AGBL4: variants seen among roughly 807,000 people sequenced by gnomAD.
The protein encoded by AGBL4 is AGBL carboxypeptidase 4, also known as cytosolic carboxypeptidase 6.
Under a neutral mutation model 66.4 loss-of-function variants are expected in AGBL4, and 58 were observed. The observed-to-expected ratio is 0.87, with a 90% CI of 0.71 to 1.09. The LOEUF (loss-of-function observed/expected upper bound fraction) is 1.09. AGBL4 is among the 50% of genes least tolerant of loss of function. The pLI is 0.00. For missense variants in AGBL4, 579 were observed against 631.0 expected, an observed-to-expected ratio of 0.92 and a Z score of 0.88; for synonymous variants, 234 against 222.9, an observed-to-expected ratio of 1.05 and a Z score of -0.44.
At chr1:49,701,059 A>G (rs1001265925) in intron 2 of AGBL4, among the ~76,000 whole-genome samples, 2 of 152,178 alleles carry the variant, frequency 1.3e-5, no homozygotes, top group Non-Finnish European at 2.9e-5. Context: ...CATATTATTA[A>G]TATCAAAATA....
intron 3 of AGBL4, among the ~76,000 whole-genome samples, chr1:49,405,997 C>T (rs757767445): frequency 2.6e-4 from 39 of 152,148 alleles, no homozygotes; most frequent in Non-Finnish European, 4.9e-4. Context: ...GTATAATTAG[C>T]CCTTACAACA....
intron 9 of AGBL4, among the ~76,000 whole-genome samples, chr1:48,629,096 T>G (rs1180729770): frequency 6.6e-6 from 1 of 152,146 alleles, no homozygotes; most frequent in Non-Finnish European, 1.5e-5. Context: ...TACTTTGTTA[T>G]TTAGCTTCAT....
At chr1:49,761,715 CCT>C (rs1652331923) in intron 2 of AGBL4, among the ~76,000 whole-genome samples, 1 of 152,126 alleles carries the variant, frequency 6.6e-6, no homozygotes, top group African/African-American at 2.4e-5. Context: ...ATTCAAAAAA[CCT>C]CTCTTATAGC....
At chr1:49,870,669 G>C (rs1289522909) in intron 1 of AGBL4, among the ~76,000 whole-genome samples, 1 of 151,556 alleles carries the variant, frequency 6.6e-6, no homozygotes, top group Non-Finnish European at 1.5e-5. Flanking sequence ...TCAAAAAAAG[G>C]CAAAAGATTT....
At chr1:48,697,361 G>A (rs374303166) in intron 6 of AGBL4, among the ~76,000 whole-genome samples, 1 of 152,052 alleles carries the variant, frequency 6.6e-6, no homozygotes, top group Admixed American at 6.5e-5. Context: ...GGGAAAGGAA[G>A]GGATGTTTAT....
intron 4 of AGBL4, among the ~76,000 whole-genome samples, chr1:49,125,393 C>G (rs1645745336): frequency 6.6e-6 from 1 of 152,024 alleles, no homozygotes; most frequent in South Asian, 2.1e-4. Context: ...GTTGTATGGC[C>G]AGCAAATGGT....
intron 6 of AGBL4, 127 bp downstream of exon 6, chr1:48,867,064 G>T: frequency 9.5e-7 from 1 of 1,052,316 alleles, no homozygotes; most frequent in South Asian, 1.4e-5. Flanking sequence ...AATCATTCAT[G>T]GTGCAAGAGT....
intron 3 of AGBL4, among the ~76,000 whole-genome samples, chr1:49,646,244 A>G (rs1434348959): frequency 1.3e-5 from 2 of 151,960 alleles, no homozygotes; most frequent in African/African-American, 4.8e-5. Context: ...TTAAAAAGTT[A>G]AAGTGCCTCT....
chr1:49,739,316 T>A (rs1328470837), intron 2 of AGBL4, among the ~76,000 whole-genome samples: 1 of 151,956 alleles, frequency 6.6e-6, no homozygotes, highest in Non-Finnish European at 1.5e-5. Flanking sequence ...TGATGGAAGA[T>A]CAAATGAATG....
chr1:48,627,785 T>C (rs1216545929), intron 9 of AGBL4, among the ~76,000 whole-genome samples: 1 of 152,070 alleles, frequency 6.6e-6, no homozygotes, highest in African/African-American at 2.4e-5. Flanking sequence ...CCTCGGAGTG[T>C]ACAAACCTCT....
intron 3 of AGBL4, among the ~76,000 whole-genome samples, chr1:49,410,477 C>T (rs924051724): frequency 1.3e-5 from 2 of 152,094 alleles, no homozygotes; most frequent in African/African-American, 4.8e-5. Context: ...ATTTTAACAG[C>T]TCTATGAGAT....
chr1:49,868,998 A>G (rs1017121591), intron 1 of AGBL4, among the ~76,000 whole-genome samples: 1 of 152,212 alleles, frequency 6.6e-6, no homozygotes, highest in African/African-American at 2.4e-5. Context: ...ATGTGGAAAA[A>G]AAGCTCATCA....
intron 4 of AGBL4, among the ~76,000 whole-genome samples, chr1:49,197,662 G>A (rs1570030797): frequency 6.6e-6 from 1 of 152,194 alleles, no homozygotes; most frequent in East Asian, 1.9e-4. Flanking sequence ...CTGACCAAGG[G>A]AGCTTTTCGG....
At chr1:49,617,155 T>C in intron 3 of AGBL4, among the ~76,000 whole-genome samples, 1 of 152,150 alleles carries the variant, frequency 6.6e-6, no homozygotes, top group Non-Finnish European at 1.5e-5. Context: ...TCCATTAATA[T>C]TTCCCTCACT....
At chr1:49,639,332 CTTA>C (rs776164488) in intron 3 of AGBL4, among the ~76,000 whole-genome samples, 1 of 152,130 alleles carries the variant, frequency 6.6e-6, no homozygotes, top group Non-Finnish European at 1.5e-5. Context: ...ATACTAAACA[CTTA>C]TTATGTGTGT....
chr1:48,879,169 A>G (rs75747906), intron 5 of AGBL4, among the ~76,000 whole-genome samples: 1 of 152,032 alleles, frequency 6.6e-6, no homozygotes, highest in African/African-American at 2.4e-5. Flanking sequence ...ACCTTTTGTT[A>G]CATGGAGAAA....
At chr1:48,855,857 G>A (rs1194584564) in intron 6 of AGBL4, among the ~76,000 whole-genome samples, 1 of 151,834 alleles carries the variant, frequency 6.6e-6, no homozygotes, top group African/African-American at 2.4e-5. Context: ...TCCATCCCTA[G>A]TAATCTATTT....
chr1:49,281,703 A>C (rs1323791247), intron 3 of AGBL4, among the ~76,000 whole-genome samples: 1 of 152,220 alleles, frequency 6.6e-6, no homozygotes, highest in Non-Finnish European at 1.5e-5. Flanking sequence ...AGAGTGATAA[A>C]GTCATCACAA....
intron 4 of AGBL4, among the ~76,000 whole-genome samples, chr1:49,068,268 A>G (rs1644529472): frequency 6.6e-6 from 1 of 151,612 alleles, no homozygotes; most frequent in South Asian, 2.1e-4. Context: ...TCTGGGGTAC[A>G]TGTGCACAAC....
Sources: gnomAD v4.1 joint callset for allele counts (sites outside exome capture counted in the v4.1 genomes callset) on GRCh38, gnomAD v4.1.1 for gene constraint, MANE v1.5 for transcripts, NCBI Gene and HGNC (gene_info 2026-07-23, HGNC 2026-07-21) for gene names.